MMADHC: variants seen among roughly 807,000 people sequenced by gnomAD.
MMADHC encodes metabolism of cobalamin associated D.
MMADHC carries 23 observed loss-of-function variants against 36.3 expected under a neutral mutation model. The ratio of observed to expected loss-of-function variants is 0.63; its 90% CI spans 0.46 to 0.90. The LOEUF is 0.90. Among genes scored for constraint, MMADHC ranks in the 40% least tolerant of loss-of-function variants. The pLI, the probability that MMADHC is intolerant of heterozygous loss-of-function variation, is 0.00. For synonymous variants in MMADHC, 97 were observed against 116.1 expected, an observed-to-expected ratio of 0.84 and a Z score of 1.06; for missense variants, 330 against 348.0, an observed-to-expected ratio of 0.95 and a Z score of 0.41.
chr2:149,569,828 C>A lies in MMADHC; in HGVS notation c.*146G>T. The A allele has an allele frequency of 1.3e-6, 1 of 746,880 alleles. No homozygotes were observed. Among genetic ancestry groups the A allele is most frequent in the Non-Finnish European group, 2.2e-6 (1 of 461,024 alleles). 46.3% of individuals were successfully genotyped at this position (746,880 alleles called of 1,614,324 possible). A position where few individuals can be genotyped will look rare whatever the true frequency, so the allele number is the denominator to read the frequency against. ...ATGAACATTTGCAATTTTAAAATCC[C>A]AAATCACTTGCCAATGTTGTAAATT... On this transcript the variant is annotated 3_prime_UTR_variant, in exon 8 of 8. Coordinates refer to ENST00000303319, the MANE Select transcript of MMADHC (RefSeq NM_015702.3).
At chr2:149,572,186 A>G (rs778305419) in intron 6 of MMADHC, 13 of 422,616 alleles carry the variant, frequency 3.1e-5, no homozygotes, top group Non-Finnish European at 5.6e-5. Context: ...ATGTTGAAAT[A>G]AAGAAGAGAT....
intron 5 of MMADHC, 82 bp from the exon 6 acceptor site, chr2:149,575,923 C>A: frequency 9.0e-7 from 1 of 1,112,378 alleles, no homozygotes; most frequent in East Asian, 2.6e-5. Flanking sequence ...AAAAGTACTT[C>A]TTTAGAAAAA....
At chr2:149,578,987 T>C (rs1262047854) in intron 4 of MMADHC, among the ~76,000 whole-genome samples, 1 of 124,466 alleles carries the variant, frequency 8.0e-6, no homozygotes, top group Non-Finnish European at 1.7e-5. Flanking sequence ...AACTGGTTCC[T>C]TTTTTTTTTT....
intron 5 of MMADHC, 82 bp downstream of exon 5, chr2:149,576,355 G>A (rs1682716886): frequency 2.1e-6 from 2 of 934,814 alleles, no homozygotes; most frequent in Non-Finnish European, 1.8e-6. Context: ...AAGGTATACA[G>A]CGTTCCAATT....
intron 4 of MMADHC, among the ~76,000 whole-genome samples, chr2:149,577,586 G>A (rs1033120469): frequency 2.0e-5 from 3 of 152,088 alleles, no homozygotes; most frequent in African/African-American, 7.2e-5. Flanking sequence ...GGAGGCTGAG[G>A]CACGAGAATT....
intron 4 of MMADHC, among the ~76,000 whole-genome samples, chr2:149,578,556 C>T (rs1173863961): frequency 1.3e-5 from 2 of 151,920 alleles, no homozygotes; most frequent in African/African-American, 4.8e-5. Flanking sequence ...ACTGTGGAGG[C>T]GGCCAAGGGA....
chr2:149,576,970 G>A (rs1357164590), intron 4 of MMADHC, among the ~76,000 whole-genome samples: 3 of 152,144 alleles, frequency 2.0e-5, no homozygotes, highest in Admixed American at 2.0e-4. Flanking sequence ...CCTACAGGAA[G>A]AGCTTAGAGG....
At chr2:149,585,626 G>A (rs1489096279) in intron 2 of MMADHC, among the ~76,000 whole-genome samples, 4 of 152,186 alleles carry the variant, frequency 2.6e-5, no homozygotes, top group Non-Finnish European at 4.4e-5. Flanking sequence ...CTGTAGCTAA[G>A]GAAAGGTTGC....
In MMADHC at chr2:149,577,815, C is replaced by T. The variant is rs965889472; in HGVS notation, c.373-1273G>A. Among the ~76,000 whole-genome samples the T allele has an allele frequency of 4.6e-5, 7 of 152,202 alleles. No homozygotes were observed. In the East Asian group the frequency reaches 5.8e-4, roughly 13 times the overall value. On this transcript the variant is annotated intron_variant, in intron 4 of 7. Coordinates refer to ENST00000303319, the MANE Select transcript of MMADHC (RefSeq NM_015702.3). Reference sequence around the variant, plus strand: ...CGGCCAGATCACAAGGTCAGGTGATCGAGACCATCCTAGCCAACATGGTGA... The same window carrying T: ...CGGCCAGATCACAAGGTCAGGTGATTGAGACCATCCTAGCCAACATGGTGA...
chr2:149,570,146 T>C lies in MMADHC; in HGVS notation c.719A>G (p.Asn240Ser). 2 of 1,613,788 alleles carry C rather than the reference T, an allele frequency of 1.2e-6. No homozygotes were observed. The highest frequency in any genetic ancestry group is 1.7e-6 in the Non-Finnish European group (2 of 1,179,790). ...GCGTTCATCAGTTTCAAAAAGAGTG[T>C]TGTTTGTATATGGTCCAAAAAACTG... ...GLAFFGPYTNNTLFETDERYR... is the reference protein window; with the variant it reads ...GLAFFGPYTNSTLFETDERYR... Residue 240 changes from asparagine to serine, a missense_variant, in exon 8 of 8, where the codon AAC (asparagine) becomes AGC (serine). Asn to Ser is a conservative substitution (Grantham distance 46). Transcript: ENST00000303319.
intron 6 of MMADHC, among the ~76,000 whole-genome samples, chr2:149,573,524 C>T (rs555351452): frequency 6.6e-6 from 1 of 152,192 alleles, no homozygotes; most frequent in South Asian, 2.1e-4. Context: ...AAATAAAAAT[C>T]AATTAGATCT....
intron 2 of MMADHC, among the ~76,000 whole-genome samples, chr2:149,586,323 G>A (rs924005736): frequency 6.6e-6 from 1 of 152,158 alleles, no homozygotes; most frequent in African/African-American, 2.4e-5. Context: ...TTACATTCAG[G>A]TTGGCAGGCA....
At chr2:149,570,194 T>G in intron 7 of MMADHC, 26 bp from the exon 8 acceptor site, 1 of 1,566,576 alleles carries the variant, frequency 6.4e-7, no homozygotes, top group East Asian at 2.3e-5. Context: ...CGAAATATTC[T>G]CATTAGTAAG....
At chr2:149,581,988 C>T in intron 3 of MMADHC, 139 bp downstream of exon 3, 1 of 869,424 alleles carries the variant, frequency 1.2e-6, no homozygotes, top group East Asian at 2.7e-5. Flanking sequence ...TATATTTAGG[C>T]AGAGCTGTGA....
At chr2:149,572,146 G>C in intron 6 of MMADHC, 2 of 361,212 alleles carry the variant, frequency 5.5e-6, no homozygotes, top group South Asian at 2.0e-5. Context: ...GTAGTGAAAA[G>C]ACAGTAACAA....
chr2:149,576,481 C>G lies in MMADHC; in HGVS notation c.434G>C (p.Arg145Thr), dbSNP rs780889876. 9.9e-6 allele frequency: 16 copies of G among 1,613,546 alleles called. No homozygotes were observed. Among genetic ancestry groups the G allele is most frequent in the Non-Finnish European group, 1.3e-5 (15 of 1,179,688 alleles). The change falls in exon 5 of 8, where the codon AGA (arginine) becomes ACA (threonine). Residue 145 changes from arginine to threonine, a missense_variant. Physicochemically the swap from Arg to Thr is moderately conservative, Grantham distance 71. Transcript: ENST00000303319. ...ACATGTCTGTATTGCACACTCTACT[C>G]TGGCACTTTCAAAGTAAGTTTCTGC... is the stretch of plus-strand genomic sequence containing the variant. ...NSAETYFESA[R>T]VECAIQTCPE...
chr2:149,579,690 C>T, intron 3 of MMADHC, 42 bp from the exon 4 acceptor site: 1 of 1,494,754 alleles, frequency 6.7e-7, no homozygotes, highest in Non-Finnish European at 9.3e-7. Context: ...CCTTAATAGT[C>T]AAGTATATTG....
Position 149,576,505 on chromosome 2 carries a change from GCA to G in MMADHC, c.408_409del (p.Ala137ArgfsTer5). On this transcript the variant is annotated frameshift_variant, in exon 5 of 8. Coordinates refer to ENST00000303319, the MANE Select transcript of MMADHC (RefSeq NM_015702.3). LOFTEE classifies it high-confidence loss of function. ...TCTGGCACTTTCAAAGTAAGTTTCT[GCA>G]CTGTTAATTTCTTGTTCAACAGGTG... 6.2e-7 allele frequency: 1 copy of G among 1,613,582 alleles called. No individual in the cohort carries two copies.
intron 1 of MMADHC, 143 bp from the exon 2 acceptor site, chr2:149,587,292 G>T: frequency 1.6e-6 from 1 of 636,744 alleles, no homozygotes; most frequent in South Asian, 1.8e-5. Context: ...AAGGAGGCCA[G>T]AACTCGCCCC....
Sources: gnomAD v4.1 joint callset for allele counts (sites outside exome capture counted in the v4.1 genomes callset) on GRCh38, gnomAD v4.1.1 for gene constraint, MANE v1.5 for transcripts, NCBI Gene and HGNC (gene_info 2026-07-23, HGNC 2026-07-21) for gene names.